Variants in CYRIA observed in about 807,000 individuals in gnomAD.
CYRIA encodes CYFIP related Rac1 interactor A, also known as CYFIP-related Rac1 interactor A.
Under a neutral mutation model 43.9 loss-of-function variants are expected in CYRIA, and 15 were observed. The observed-to-expected ratio is 0.34, with a 90% CI of 0.23 to 0.53. The LOEUF is 0.53. CYRIA is among the 20% of genes least tolerant of loss of function. CYRIA has a pLI of 0.94. For missense variants in CYRIA, 236 were observed against 394.2 expected (o/e 0.60, Z 3.40); for synonymous variants, 117 against 136.0 (o/e 0.86, Z 0.97).
chr2:16,604,135 T>C (rs551968201), intron 2 of CYRIA, among the ~76,000 whole-genome samples: 23 of 152,192 alleles, frequency 1.5e-4, no homozygotes, highest in Non-Finnish European at 8.8e-5. Context: ...TCTGACCTTC[T>C]AGCTACTATG....
rs369098423 is a variant in CYRIA at position 16,635,578 on chromosome 2, C to T, written c.-166-11559G>A. 1.1e-4 allele frequency among the ~76,000 whole-genome samples: 16 copies of T among 152,284 alleles called. No individual in the cohort carries two copies. The East Asian group carries it at 2.9e-3, about 28-fold the overall frequency. On this transcript the variant is annotated intron_variant, in intron 1 of 11. Coordinates refer to ENST00000381323, the MANE Select transcript of CYRIA (RefSeq NM_030797.4). ...CCTATACTCCAGTGTGTGTGCATCC[C>T]CCCACAGTGACACCAGGCAGAAGAA...
At chr2:16,616,959 T>C (rs770735814) in intron 2 of CYRIA, among the ~76,000 whole-genome samples, 15 of 152,244 alleles carry the variant, frequency 9.9e-5, no homozygotes, top group Non-Finnish European at 1.9e-4. Context: ...CAAAGGATTA[T>C]ATCAAGACCA....
intron 1 of CYRIA, chr2:16,625,640 C>T (rs1423914666): frequency 6.6e-6 from 1 of 152,216 alleles, no homozygotes; most frequent in African/African-American, 2.4e-5. Context: ...CACCGCCTGG[C>T]ACAGGGATGT....
intron 1 of CYRIA, among the ~76,000 whole-genome samples, chr2:16,653,892 C>T (rs1201490238): frequency 6.6e-6 from 1 of 152,186 alleles, no homozygotes; most frequent in African/African-American, 2.4e-5. Context: ...GAAGCTAACG[C>T]ATAGTATTTG....
Position 16,552,957 on chromosome 2 carries a change from C to T in CYRIA, c.951G>A (p.Gln317=), listed in dbSNP as rs1452210860. 1 of 1,610,334 alleles carries T rather than the reference C, an allele frequency of 6.2e-7. No individual in the cohort carries two copies. ...AGCTCTACTGAAGCATTGCTCGAAT[C>T]TGTTTGGAAGTTGATTCATCGTTCA... ...KHLNDESTSK[Q]IRAMLQ Residue 317 remains glutamine (Q), a synonymous_variant, in exon 12 of 12, where the codon CAG becomes CAA. Transcript: ENST00000381323.
At chr2:16,642,495 G>A (rs985445888) in intron 1 of CYRIA, among the ~76,000 whole-genome samples, 7 of 152,050 alleles carry the variant, frequency 4.6e-5, no homozygotes, top group Non-Finnish European at 8.8e-5. Context: ...ACACGCTGCC[G>A]CCAGGGTCCC....
At chr2:16,574,829 C>A (rs2103434296) in intron 3 of CYRIA, among the ~76,000 whole-genome samples, 1 of 152,302 alleles carries the variant, frequency 6.6e-6, no homozygotes, top group Admixed American at 6.5e-5. Flanking sequence ...TCATGGAGAA[C>A]CTCTGCTAGG....
chr2:16,644,269 G>A (rs1031755126), intron 1 of CYRIA, among the ~76,000 whole-genome samples: 1 of 152,192 alleles, frequency 6.6e-6, no homozygotes, highest in Non-Finnish European at 1.5e-5. Context: ...TTTGACCCCA[G>A]GTAGAGAGCC....
rs759576636 is a variant in CYRIA at position 16,561,523 on chromosome 2, G to A, written c.446C>T (p.Pro149Leu). 5 of 1,613,468 alleles carry A rather than the reference G, an allele frequency of 3.1e-6. No individual in the cohort carries two copies. Among genetic ancestry groups the A allele is most frequent in the Non-Finnish European group, 4.2e-6 (5 of 1,179,646 alleles). The change falls in exon 7 of 12, where the codon CCG (proline) becomes CTG (leucine). Residue 149 changes from proline (P) to leucine (L), a missense_variant. Pro to Leu is a moderately conservative substitution (Grantham distance 98). Coordinates refer to ENST00000381323, the MANE Select transcript of CYRIA (RefSeq NM_030797.4). The stretch of plus-strand genomic sequence containing the variant: ...GTAGCTGAAGTCATTCTGAATAGCC[G>A]GGTTCCTCATCTGAAATTCAGAGGA... ...LRFDELKMRNPAIQNDFSYYR... is the reference protein window; with the variant it reads ...LRFDELKMRNLAIQNDFSYYR...
chr2:16,635,077 GACAT>G (rs1669453758), intron 1 of CYRIA, among the ~76,000 whole-genome samples: 1 of 152,140 alleles, frequency 6.6e-6, no homozygotes, highest in African/African-American at 2.4e-5. Context: ...AACTGTAAAG[GACAT>G]AAAGAGCACT....
intron 1 of CYRIA, among the ~76,000 whole-genome samples, chr2:16,661,328 C>T (rs1349672363): frequency 1.3e-5 from 2 of 152,076 alleles, no homozygotes; most frequent in African/African-American, 4.8e-5. Flanking sequence ...ATCTGAAGAG[C>T]CATCCATCCA....
At position 16,659,910 on chromosome 2, in the gene CYRIA, T is replaced by C. The variant is rs568278247; in HGVS notation, c.-167+5870A>G. Among the ~76,000 whole-genome samples, 220 of 152,240 alleles carry C rather than the reference T, an allele frequency of 1.4e-3. 1 individual carries two copies. Among genetic ancestry groups the C allele is most frequent in the Admixed American group, 4.4e-3 (68 of 15,300 alleles). On this transcript the variant is annotated intron_variant, in intron 1 of 11. Transcript: ENST00000381323. Reference sequence around the variant, plus strand: ...TCACTGTGGTGAAGGCTCTGGAATATGGGAGTAAGCTGGTCCCTCTGTGCC... The same window carrying C: ...TCACTGTGGTGAAGGCTCTGGAATACGGGAGTAAGCTGGTCCCTCTGTGCC...
intron 6 of CYRIA, 50 bp from the exon 7 acceptor site, chr2:16,561,583 G>T: frequency 7.2e-7 from 1 of 1,387,018 alleles, no homozygotes; most frequent in Non-Finnish European, 1.0e-6. Flanking sequence ...ATCAGATGGG[G>T]TATATGCATT....
intron 3 of CYRIA, among the ~76,000 whole-genome samples, chr2:16,574,557 G>T (rs2103433700): frequency 6.6e-6 from 1 of 152,336 alleles, no homozygotes; most frequent in South Asian, 2.1e-4. Context: ...TGCGGGCCAG[G>T]CCCATGGTCC....
intron 3 of CYRIA, among the ~76,000 whole-genome samples, chr2:16,586,774 T>C (rs1667743660): frequency 6.6e-6 from 1 of 152,122 alleles, no homozygotes; most frequent in Non-Finnish European, 1.5e-5. Context: ...AAGTTCCAAT[T>C]ATTATTTTTA....
intron 3 of CYRIA, among the ~76,000 whole-genome samples, chr2:16,576,626 A>C (rs925699874): frequency 7.2e-5 from 11 of 152,188 alleles, no homozygotes; most frequent in African/African-American, 2.7e-4. Flanking sequence ...CCAATATTGC[A>C]TTATTGATGT....
chr2:16,608,865 T>C (rs1209074850), intron 2 of CYRIA, among the ~76,000 whole-genome samples: 1 of 152,136 alleles, frequency 6.6e-6, no homozygotes, highest in East Asian at 1.9e-4. Flanking sequence ...GACCACCACG[T>C]CAGTGAAGAG....
chr2:16,557,702 C>T (rs1337665513), intron 10 of CYRIA, among the ~76,000 whole-genome samples: 1 of 152,136 alleles, frequency 6.6e-6, no homozygotes, highest in African/African-American at 2.4e-5. Context: ...GAAGACTTAA[C>T]ATGATATACT....
intron 3 of CYRIA, among the ~76,000 whole-genome samples, chr2:16,579,000 T>C (rs1361891032): frequency 2.6e-5 from 4 of 151,970 alleles, no homozygotes; most frequent in Non-Finnish European, 5.9e-5. Context: ...AAAATAAAGA[T>C]AAATTATTGA....
Sources: gnomAD v4.1 joint callset for allele counts (sites outside exome capture counted in the v4.1 genomes callset) on GRCh38, gnomAD v4.1.1 for gene constraint, MANE v1.5 for transcripts, NCBI Gene and HGNC (gene_info 2026-07-23, HGNC 2026-07-21) for gene names.